RASGRP3: variants seen among roughly 807,000 people sequenced by gnomAD.
The protein encoded by RASGRP3 is RAS guanyl releasing protein 3, also known as ras guanyl-releasing protein 3.
A neutral mutation model predicts 82.7 loss-of-function variants in RASGRP3; 54 were observed. The observed-to-expected ratio is 0.65, with a 90% CI of 0.52 to 0.82. The LOEUF is 0.82. RASGRP3 is among the 40% of genes least tolerant of loss of function. RASGRP3 has a pLI of 0.00. For missense variants in RASGRP3, 861 were observed against 828.9 expected (o/e 1.04, Z -0.48); for synonymous variants, 309 against 300.5 (o/e 1.03, Z -0.29).
chr2:33,506,141 T>C (rs1670356210), intron 1 of RASGRP3, among the ~76,000 whole-genome samples: 1 of 152,226 alleles, frequency 6.6e-6, no homozygotes, highest in Non-Finnish European at 1.5e-5. Flanking sequence ...GTACCAGTGA[T>C]TCCCTGAGTT....
intron 1 of RASGRP3, among the ~76,000 whole-genome samples, chr2:33,511,388 G>A (rs1670910600): frequency 6.6e-6 from 1 of 152,210 alleles, no homozygotes; most frequent in African/African-American, 2.4e-5. Flanking sequence ...CAAAGTCAAT[G>A]TTTGGAAATT....
chr2:33,447,421 C>A (rs1265601697), intron 1 of RASGRP3, among the ~76,000 whole-genome samples: 1 of 149,880 alleles, frequency 6.7e-6, no homozygotes, highest in Non-Finnish European at 1.5e-5. Context: ...AAGAGGTGCC[C>A]CAACCTTGGA....
At chr2:33,441,484 G>A (rs2150872502) in intron 1 of RASGRP3, among the ~76,000 whole-genome samples, 1 of 152,342 alleles carries the variant, frequency 6.6e-6, no homozygotes, top group Middle Eastern at 3.4e-3. Flanking sequence ...GGCACTAGAA[G>A]CAAGCTCTTT....
chr2:33,524,515 G>A lies in RASGRP3; in HGVS notation c.774G>A (p.Glu258=), dbSNP rs753149499. The change falls in exon 9 of 18, where the codon GAG becomes GAA. Residue 258 remains glutamate, a synonymous_variant. Transcript: ENST00000403687. ...LSHSSISRLK[E]THSHLSSEVT... is the part of the protein sequence containing the mutation. Reference sequence around the variant, plus strand: ...ATAGTTCCATTTCACGCCTCAAAGAGACCCATTCTCATCTTTCTTCAGAAG... The same window carrying A: ...ATAGTTCCATTTCACGCCTCAAAGAAACCCATTCTCATCTTTCTTCAGAAG... 5.6e-6 allele frequency: 9 copies of A among 1,602,324 alleles called. No individual in the cohort carries two copies. The South Asian group carries it at 9.1e-5, about 16-fold the overall frequency.
intron 12 of RASGRP3, among the ~76,000 whole-genome samples, chr2:33,541,683 G>T (rs1374620975): frequency 1.4e-5 from 2 of 147,320 alleles, no homozygotes; most frequent in Non-Finnish European, 3.0e-5. Context: ...TTTATTTGGT[G>T]ATTGCCTGTT....
chr2:33,534,206 A>C (rs1045694814), intron 10 of RASGRP3, 117 bp from the exon 11 acceptor site: 1 of 698,104 alleles, frequency 1.4e-6, no homozygotes, highest in African/African-American at 1.8e-5. Flanking sequence ...ATTGTTCTGC[A>C]TTTACTCAAA....
At chr2:33,559,195 C>A (rs1311629740) in intron 17 of RASGRP3, among the ~76,000 whole-genome samples, 165 bp downstream of exon 17, 2 of 152,044 alleles carry the variant, frequency 1.3e-5, no homozygotes, top group African/African-American at 2.4e-5. Context: ...AGCTATGTGA[C>A]CCTGGACATA....
rs1048696735 is a variant in RASGRP3 at position 33,483,978 on chromosome 2, G to A, written c.-261+7271G>A. On this transcript the variant is annotated intron_variant, in intron 1 of 17. Transcript: ENST00000403687. The stretch of plus-strand genomic sequence containing the variant: ...AGCTATGGAAGAACTCAGACAGAGA[G>A]GTGATCAATCTGTGATGGAATCAGA... Among the ~76,000 whole-genome samples the A allele has an allele frequency of 5.9e-5, 9 of 152,162 alleles. No homozygotes were observed. In the East Asian group the frequency reaches 1.5e-3, roughly 26 times the overall value.
chr2:33,522,912 A>G lies in RASGRP3; in HGVS notation c.516+810A>G, dbSNP rs182424964. On this transcript the variant is annotated intron_variant, in intron 7 of 17. Transcript: ENST00000403687. ...AGGACCTTAACAATTCCCCACAGGC[A>G]GGCCATGGGAGTCCCCTGCACAGTT... Among the ~76,000 whole-genome samples the G allele has an allele frequency of 4.6e-5, 7 of 152,344 alleles. 1 individual carries two copies. The East Asian group carries it at 1.4e-3, about 29-fold the overall frequency.
intron 1 of RASGRP3, chr2:33,481,121 C>G (rs1667853739): frequency 6.6e-6 from 1 of 152,288 alleles, no homozygotes; most frequent in African/African-American, 2.4e-5. Flanking sequence ...CTACTGACTC[C>G]AAGTGCCAGG....
rs574446702 is a variant in RASGRP3 at position 33,555,690 on chromosome 2, G to A, written c.1579+123G>A. 201 of 837,274 alleles carry A rather than the reference G, an allele frequency of 2.4e-4. 3 individuals are homozygous for A. The South Asian group carries it at 3.2e-3, about 13-fold the overall frequency. The allele number at this position is 837,274 out of a possible 1,614,324, so 51.9% of individuals were successfully genotyped here. On this transcript the variant is annotated intron_variant, in intron 15 of 17. Transcript: ENST00000403687. ...GGAATTTCAGTCTTTTGGGTCAACG[G>A]CAACTGAGAATGATTGCCTCTGAGG...
At position 33,541,100 on chromosome 2, in the gene RASGRP3, C is replaced by T. The variant is rs1043043203; in HGVS notation, c.1278+1890C>T. Reference sequence around the variant, plus strand: ...TCAAAATCAAATATAAATTTGTATACATGTGTTTGCAGAAAGAACTTACAA... The same window carrying T: ...TCAAAATCAAATATAAATTTGTATATATGTGTTTGCAGAAAGAACTTACAA... On this transcript the variant is annotated intron_variant, in intron 12 of 17. Coordinates refer to ENST00000403687, the MANE Select transcript of RASGRP3 (RefSeq NM_001139488.2). Among the ~76,000 whole-genome samples, 8 of 147,048 alleles carry T rather than the reference C, an allele frequency of 5.4e-5. 1 individual carries two copies. Among genetic ancestry groups the T allele is most frequent in the African/African-American group, 1.9e-4 (8 of 41,086 alleles).
chr2:33,446,062 T>C (rs1665483023), intron 1 of RASGRP3, among the ~76,000 whole-genome samples: 1 of 152,260 alleles, frequency 6.6e-6, no homozygotes. Flanking sequence ...ACTTTGTGCT[T>C]GCCTTTTCCT....
intron 2 of RASGRP3, among the ~76,000 whole-genome samples, chr2:33,449,809 A>C (rs1665692197): frequency 6.6e-6 from 1 of 152,212 alleles, no homozygotes; most frequent in South Asian, 2.1e-4. Context: ...ATATATAGCA[A>C]ATACAAAATG....
At position 33,558,659 on chromosome 2, in the gene RASGRP3, T is replaced by G. The variant is rs1574507732; in HGVS notation, c.1706-13T>G. ...TCAGATGTCAAATAATCACCACCCT[T>G]TTTCACTTCCAGCGCAGGATGAGGT... is the stretch of plus-strand genomic sequence containing the variant. On this transcript the variant is annotated splice_polypyrimidine_tract_variant and intron_variant, in intron 16 of 17. Coordinates refer to ENST00000403687, the MANE Select transcript of RASGRP3 (RefSeq NM_001139488.2). 3 of 1,574,270 alleles carry G rather than the reference T, an allele frequency of 1.9e-6. No homozygotes were observed. The East Asian group carries it at 6.7e-5, about 35-fold the overall frequency.
chr2:33,520,913 A>G (rs781196560), intron 6 of RASGRP3, among the ~76,000 whole-genome samples: 1 of 152,186 alleles, frequency 6.6e-6, no homozygotes, highest in Non-Finnish European at 1.5e-5. Context: ...TGAGATTATT[A>G]TGAACATTCA....
chr2:33,498,151 C>CTCTATTTACCAAGAAATACCTATTAT (rs1669502749), intron 1 of RASGRP3, among the ~76,000 whole-genome samples: 2 of 152,118 alleles, frequency 1.3e-5, no homozygotes, highest in Non-Finnish European at 2.9e-5. Flanking sequence ...TTTTTGGTCC[C>CTCTATTTACCAAGAAATACCTATTAT]TTACCAAGAA....
chr2:33,496,354 C>G (rs1669313513), intron 1 of RASGRP3, among the ~76,000 whole-genome samples: 1 of 152,184 alleles, frequency 6.6e-6, no homozygotes, highest in African/African-American at 2.4e-5. Context: ...TGGGTTAATA[C>G]AGAATGCGTG....
At chr2:33,497,219 G>C (rs1271771717) in intron 1 of RASGRP3, among the ~76,000 whole-genome samples, 4 of 152,144 alleles carry the variant, frequency 2.6e-5, no homozygotes, top group African/African-American at 9.7e-5. Flanking sequence ...GTTAAAGGGT[G>C]CTAAGATAAA....
Sources: allele counts gnomAD v4.1 joint callset (sites outside exome capture counted in the v4.1 genomes callset), GRCh38; gene constraint gnomAD v4.1.1; transcripts MANE v1.5; gene names NCBI Gene and HGNC (gene_info 2026-07-23, HGNC 2026-07-21).